PAX9: variants seen among roughly 807,000 people sequenced by gnomAD.
PAX9 encodes the protein paired box protein Pax-9.
In PAX9, 6 loss-of-function variants were observed where a neutral mutation model predicts 29.1. The observed-to-expected ratio is 0.21, with a 90% CI of 0.11 to 0.41. The LOEUF (loss-of-function observed/expected upper bound fraction) is 0.41, where lower values mean the gene tolerates loss of function less well. Among genes scored for constraint, PAX9 ranks in the 10% least tolerant of loss-of-function variants. PAX9 has a pLI of 1.00. For synonymous variants in PAX9, 217 were observed against 211.7 expected (o/e 1.03, Z -0.22); for missense variants, 443 against 479.1 (o/e 0.92, Z 0.70).
In PAX9 at chr14:36,677,541, C is replaced by A. The variant is rs1881953381; in HGVS notation, c.*1089C>A. The A allele has an allele frequency of 6.6e-6, 1 of 152,090 alleles. No homozygotes were observed. The highest frequency in any genetic ancestry group is 1.9e-4 in the East Asian group (1 of 5,198). 9.4% of individuals were successfully genotyped at this position (152,090 alleles called of 1,614,324 possible). On this transcript the variant is annotated 3_prime_UTR_variant, in exon 4 of 4. Coordinates refer to ENST00000361487, the MANE Select transcript of PAX9 (RefSeq NM_001372076.1). ...TAAAATGAACTTTGTGTTAAGAAAA[C>A]CACTGTGAAACTAAATTGTCCTATT... is the stretch of plus-strand genomic sequence containing the variant.
At chr14:36,666,729 A>G (rs1881509877) in intron 3 of PAX9, 128 bp downstream of exon 3, 2 of 1,242,008 alleles carry the variant, frequency 1.6e-6, no homozygotes, top group Non-Finnish European at 2.3e-6. Flanking sequence ...CTTTGCTGCT[A>G]CGAGCCAGAT....
upstream of PAX9, among the ~76,000 whole-genome samples, chr14:36,659,494 C>A (rs562356113): frequency 4.6e-5 from 7 of 152,274 alleles, no homozygotes; most frequent in East Asian, 1.4e-3. Flanking sequence ...GCGGGGTCTT[C>A]GGCTTGCCGC....
Position 36,676,869 on chromosome 14 carries a change from GGAAA to G in PAX9, c.*418_*421del. ...GTTGAGATTTTGCAAAATCAATAAAGGAAAATACTTATAGAAAAAATTATGCTAC... is the reference window on the plus strand; with the variant it reads ...GTTGAGATTTTGCAAAATCAATAAAGATACTTATAGAAAAAATTATGCTAC... On this transcript the variant is annotated 3_prime_UTR_variant, in exon 4 of 4. Transcript: ENST00000361487. 1.7e-4 allele frequency: 38 copies of G among 222,770 alleles called. No homozygotes were observed. Among genetic ancestry groups the G allele is most frequent in the Admixed American group, 4.2e-4 (8 of 19,204 alleles). 13.8% of individuals were successfully genotyped at this position (222,770 alleles called of 1,614,324 possible). A position where few individuals can be genotyped will look rare whatever the true frequency, so the allele number is the denominator to read the frequency against.
chr14:36,658,126 A>T (rs990761941), upstream of PAX9, among the ~76,000 whole-genome samples: 3 of 151,938 alleles, frequency 2.0e-5, no homozygotes, highest in African/African-American at 7.3e-5. Flanking sequence ...CTGGCCGCTT[A>T]CCCTGCAAGA....
intron 3 of PAX9, among the ~76,000 whole-genome samples, chr14:36,674,276 T>A (rs534573058): frequency 2.6e-4 from 40 of 152,242 alleles, no homozygotes; most frequent in Admixed American, 9.8e-4. Flanking sequence ...TGTTACCAGA[T>A]GTTATCTCAA....
Position 36,676,384 on chromosome 14 carries a change from T to C in PAX9, c.958T>C (p.Ser320Pro). 1 of 1,614,178 alleles carries C rather than the reference T, an allele frequency of 6.2e-7. No homozygotes were observed. The highest frequency in any genetic ancestry group is 2.2e-5 in the East Asian group (1 of 44,866). ...LSPHNCDIPA[S>P]LAFKGMQAAR... ...TCCCCACAACTGTGACATTCCGGCA[T>C]CGCTGGCGTTCAAGGGAATGCAGGC... Residue 320 changes from serine to proline, a missense_variant, in exon 4 of 4, where the codon TCG becomes CCG. Transcript: ENST00000361487.
At chr14:36,662,858 C>G in intron 1 of PAX9, 39 bp from the exon 2 acceptor site, 1 of 1,585,508 alleles carries the variant, frequency 6.3e-7, no homozygotes, top group South Asian at 1.2e-5. Flanking sequence ...TCCCAAGCAG[C>G]GGGTGCGCGT....
Position 36,663,650 on chromosome 14 carries a change from G to GT in PAX9, c.631+128dup, listed in dbSNP as rs1206210166. ...ACCTGAGGCTTTTTCCTTTGGAAAC[G>GT]TAAGGAGTCTTCCTAGGGGGTGTTC... is the stretch of plus-strand genomic sequence containing the variant. On this transcript the variant is annotated intron_variant, in intron 2 of 3. Coordinates refer to ENST00000361487, the MANE Select transcript of PAX9 (RefSeq NM_001372076.1). 2.4e-6 allele frequency: 3 copies of GT among 1,225,784 alleles called. No individual in the cohort carries two copies. In the East Asian group the frequency reaches 7.6e-5, roughly 31 times the overall value. 75.9% of individuals were successfully genotyped at this position (1,225,784 alleles called of 1,614,324 possible). A position where few individuals can be genotyped will look rare whatever the true frequency, so the allele number is the denominator to read the frequency against.
chr14:36,666,474 C>T lies in PAX9; in HGVS notation c.644C>T (p.Ser215Phe), dbSNP rs1206808645. The T allele has an allele frequency of 3.7e-6, 6 of 1,610,956 alleles. No individual in the cohort carries two copies. Among genetic ancestry groups the T allele is most frequent in the South Asian group, 2.2e-5 (2 of 90,372 alleles). Residue 215 changes from serine (S) to phenylalanine (F), a missense_variant, in exon 3 of 4, where the codon TCC (serine) becomes TTC (phenylalanine). By Grantham distance (155) the Ser-to-Phe change is radical (BLOSUM62 -2). Around this residue, in one of 2 missense-constraint regions of PAX9, gnomAD observed 336 missense variants for 317.2 expected, o/e 1.06. Transcript: ENST00000361487. Reference sequence around the variant, plus strand: ...TTCTCTCCATCAGTGAGCGACAGCTCCCCCTACCACAGCCCCAAGGTGGAG... The same window carrying T: ...TTCTCTCCATCAGTGAGCGACAGCTTCCCCTACCACAGCCCCAAGGTGGAG... Reference protein sequence around the residue: ...RSITDQVSDSSPYHSPKVEEW... With the variant: ...RSITDQVSDSFPYHSPKVEEW...
At chr14:36,667,694 T>G (rs1881558409) in intron 3 of PAX9, among the ~76,000 whole-genome samples, 1 of 152,226 alleles carries the variant, frequency 6.6e-6, no homozygotes, top group South Asian at 2.1e-4. Flanking sequence ...TTCCCTCTCT[T>G]ATTTTGTTGA....
chr14:36,677,595 T>A lies in PAX9; in HGVS notation c.*1143T>A, dbSNP rs1881956788. 6.6e-6 allele frequency: 1 copy of A among 152,188 alleles called. No individual in the cohort carries two copies. The highest frequency in any genetic ancestry group is 2.1e-4 in the South Asian group (1 of 4,834). 9.4% of individuals were successfully genotyped at this position (152,188 alleles called of 1,614,324 possible). A position where few individuals can be genotyped will look rare whatever the true frequency, so the allele number is the denominator to read the frequency against. ...GTTGGCTTACCTGTGTGTTCAGCAA[T>A]CTCAGCCCCAAATAATGTTGTAATT... On this transcript the variant is annotated 3_prime_UTR_variant, in exon 4 of 4. Coordinates refer to ENST00000361487, the MANE Select transcript of PAX9 (RefSeq NM_001372076.1).
At chr14:36,668,322 CAT>C (rs745880628) in intron 3 of PAX9, among the ~76,000 whole-genome samples, 5 of 152,136 alleles carry the variant, frequency 3.3e-5, no homozygotes, top group African/African-American at 9.7e-5. Context: ...CTAATTCCCA[CAT>C]GTCATTGATG....
In PAX9 at chr14:36,678,104, G is replaced by A; in HGVS notation, c.*1652G>A. ...CACCTCACTGGATATGGATGTTGAA[G>A]ATGGATTCCCTAGGTGATTTTAATT... On this transcript the variant is annotated 3_prime_UTR_variant, in exon 4 of 4. Transcript: ENST00000361487. 1 of 197,536 alleles carries A rather than the reference G, an allele frequency of 5.1e-6. No homozygotes were observed. Among genetic ancestry groups the A allele is most frequent in the South Asian group, 1.7e-4 (1 of 5,902 alleles). 12.2% of individuals were successfully genotyped at this position (197,536 alleles called of 1,614,324 possible). A position where few individuals can be genotyped will look rare whatever the true frequency, so the allele number is the denominator to read the frequency against.
intron 2 of PAX9, among the ~76,000 whole-genome samples, chr14:36,664,572 T>G (rs1041084387): frequency 2.7e-5 from 4 of 149,966 alleles, no homozygotes; most frequent in Non-Finnish European, 4.4e-5. Flanking sequence ...TACTGAGTTT[T>G]TTTTTTTTTT....
intron 3 of PAX9, among the ~76,000 whole-genome samples, chr14:36,675,594 A>T (rs1396314035): frequency 6.6e-6 from 1 of 152,236 alleles, no homozygotes; most frequent in African/African-American, 2.4e-5. Context: ...ATATTCATTT[A>T]AAAATCCTTA....
intron 3 of PAX9, among the ~76,000 whole-genome samples, chr14:36,672,852 CTTTTTTTTTTTTTTTTTT>C (rs3061562): frequency 1.0e-4 from 2 of 19,146 alleles, no homozygotes; most frequent in East Asian, 2.5e-3. Flanking sequence ...TTCTTTCTTC[CTTTTTTTTTTTTTTTTTT>C]TTTTTTTTTT....
Position 36,663,504 on chromosome 14 carries a change from C to T in PAX9, c.612C>T (p.Ile204=). 1 of 1,612,960 alleles carries T rather than the reference C, an allele frequency of 6.2e-7. No individual in the cohort carries two copies. The highest frequency in any genetic ancestry group is 8.5e-7 in the Non-Finnish European group (1 of 1,179,910). ...SSHSVTDILG[I]RSITDQVSDS... ...ACTCCGTCACCGACATCCTGGGCAT[C>T]CGCTCCATCACCGACCAAGGTAGGG... Residue 204 remains isoleucine, a synonymous_variant, in exon 2 of 4, where the codon ATC becomes ATT. Coordinates refer to ENST00000361487, the MANE Select transcript of PAX9 (RefSeq NM_001372076.1).
upstream of PAX9, among the ~76,000 whole-genome samples, chr14:36,661,234 G>T (rs1042301399): frequency 8.5e-5 from 13 of 152,236 alleles, no homozygotes; most frequent in Admixed American, 1.3e-4. Context: ...CACCTGGACT[G>T]GGGGGTCGCC....
chr14:36,659,645 T>G (rs1048818029), upstream of PAX9, among the ~76,000 whole-genome samples: 2 of 152,178 alleles, frequency 1.3e-5, no homozygotes, highest in Non-Finnish European at 2.9e-5. Context: ...CCCTGCCCAC[T>G]GAGTTGCTAC....
Sources: allele counts gnomAD v4.1 joint callset (sites outside exome capture counted in the v4.1 genomes callset), GRCh38; gene constraint gnomAD v4.1.1; regional missense constraint gnomAD v4.1.1; transcripts MANE v1.5; gene names NCBI Gene and HGNC (gene_info 2026-07-23, HGNC 2026-07-21).